STAP1: variants seen among roughly 807,000 people sequenced by gnomAD.
The protein encoded by STAP1 is signal transducing adaptor family member 1.
A neutral mutation model predicts 37.8 loss-of-function variants in STAP1; 30 were observed. The observed-to-expected ratio is 0.79, with a 90% CI of 0.59 to 1.08. The LOEUF (loss-of-function observed/expected upper bound fraction) is 1.08, where lower values mean the gene tolerates loss of function less well. Among genes scored for constraint, STAP1 ranks in the 50% least tolerant of loss-of-function variants. The pLI is 0.00. For synonymous variants in STAP1, 130 were observed against 116.0 expected (o/e 1.12, Z -0.78); for missense variants, 357 against 349.4 (o/e 1.02, Z -0.17).
chr4:67,577,651 C>CTTTCTTTTTTTTTTTT (rs144082927), intron 4 of STAP1, among the ~76,000 whole-genome samples: 1 of 91,546 alleles, frequency 1.1e-5, no homozygotes. Context: ...TTCTTTCTTT[C>CTTTCTTTTTTTTTTTT]TTTTTTTTTT....
intron 1 of STAP1, among the ~76,000 whole-genome samples, chr4:67,565,057 A>G (rs1458896510): frequency 2.6e-5 from 4 of 152,330 alleles, no homozygotes; most frequent in Admixed American, 6.5e-5. Flanking sequence ...TACTCCTTTC[A>G]TTGCAGAGGC....
In STAP1 at chr4:67,583,563, C is replaced by T. The variant is rs777172255; in HGVS notation, c.531-11C>T. 6.3e-7 allele frequency: 1 copy of T among 1,584,936 alleles called. No homozygotes were observed. The highest frequency in any genetic ancestry group is 1.9e-5 in the Admixed American group (1 of 52,518). ...AAAAAACAATTCTGTTTTTTTATCT[C>T]ACCTCTGTAGATGTTTTTATACAGT... On this transcript the variant is annotated splice_polypyrimidine_tract_variant and intron_variant, in intron 5 of 8. Coordinates refer to ENST00000265404, the MANE Select transcript of STAP1 (RefSeq NM_012108.4).
chr4:67,605,501 T>A (rs1313944805), intron 8 of STAP1, among the ~76,000 whole-genome samples: 3 of 151,664 alleles, frequency 2.0e-5, no homozygotes, highest in Non-Finnish European at 4.4e-5. Context: ...CTACTCAGCC[T>A]CCCCCTGCAT....
chr4:67,561,599 TC>T (rs1727338637), intron 1 of STAP1, among the ~76,000 whole-genome samples: 1 of 152,120 alleles, frequency 6.6e-6, no homozygotes, highest in African/African-American at 2.4e-5. Flanking sequence ...AAACACATAA[TC>T]TTTATGGAAA....
At chr4:67,600,789 A>G (rs1728322463) in intron 8 of STAP1, among the ~76,000 whole-genome samples, 2 of 152,120 alleles carry the variant, frequency 1.3e-5, no homozygotes, top group South Asian at 4.1e-4. Flanking sequence ...TTTGTCTGAT[A>G]TAACTACTCC....
chr4:67,570,901 G>A (rs184347117), intron 1 of STAP1, among the ~76,000 whole-genome samples, 183 bp from the exon 2 acceptor site: 1 of 152,022 alleles, frequency 6.6e-6, no homozygotes, highest in East Asian at 1.9e-4. Context: ...TGAGACCAGA[G>A]AACCTATCTC....
At chr4:67,592,880 C>G (rs996366367) in intron 7 of STAP1, among the ~76,000 whole-genome samples, 1 of 152,088 alleles carries the variant, frequency 6.6e-6, no homozygotes, top group Non-Finnish European at 1.5e-5. Flanking sequence ...GACAGGATCT[C>G]GCTATGTTGC....
At chr4:67,600,623 C>A (rs959340953) in intron 8 of STAP1, among the ~76,000 whole-genome samples, 4 of 152,030 alleles carry the variant, frequency 2.6e-5, no homozygotes, top group Non-Finnish European at 5.9e-5. Context: ...GTCTATCTCT[C>A]CCTTTAGCTA....
At chr4:67,602,318 C>CAT (rs34355486) in intron 8 of STAP1, among the ~76,000 whole-genome samples, 126,263 of 151,758 alleles carry the variant, frequency 0.83, 53,798 homozygotes, top group South Asian at 0.94. Flanking sequence ...AAAGTTAACA[C>CAT]GTTTGTCACT....
In STAP1 at chr4:67,583,476, C is replaced by G. The variant is rs548273806; in HGVS notation, c.531-98C>G. 1.9e-5 allele frequency: 25 copies of G among 1,284,222 alleles called. No individual in the cohort carries two copies. In the South Asian group the frequency reaches 3.8e-4, roughly 20 times the overall value. 79.6% of individuals were successfully genotyped at this position (1,284,222 alleles called of 1,614,324 possible). A position where few individuals can be genotyped will look rare whatever the true frequency, so the allele number is the denominator to read the frequency against. ...AACCGGAAGTTTTAAGAAAAGTTAG[C>G]AACTGCAGCTCTCAAAGTTATTTTG... On this transcript the variant is annotated intron_variant, in intron 5 of 8. Coordinates refer to ENST00000265404, the MANE Select transcript of STAP1 (RefSeq NM_012108.4).
At chr4:67,597,233 C>A (rs1364526026) in intron 8 of STAP1, among the ~76,000 whole-genome samples, 2 of 152,188 alleles carry the variant, frequency 1.3e-5, no homozygotes, top group African/African-American at 4.8e-5. Flanking sequence ...AAGGTAGAAG[C>A]CCCAAGCCTT....
chr4:67,603,981 A>G (rs1728398492), intron 8 of STAP1, among the ~76,000 whole-genome samples: 1 of 152,076 alleles, frequency 6.6e-6, no homozygotes, highest in Admixed American at 6.6e-5. Context: ...CTGCCTTTCA[A>G]ATTTATTTCG....
chr4:67,577,247 T>TA lies in STAP1; in HGVS notation c.352dup (p.Thr118AsnfsTer20), dbSNP rs763321433. On this transcript the variant is annotated frameshift_variant, in exon 4 of 9. Coordinates refer to ENST00000265404, the MANE Select transcript of STAP1 (RefSeq NM_012108.4). LOFTEE classifies it high-confidence loss of function. ...GGGAAGAATGGAGAGGCTTCATTCT[T>TA]ACAGTAACAGAGGTAGGAAGCTCAC... 1.9e-6 allele frequency: 3 copies of TA among 1,609,140 alleles called. No homozygotes were observed. Among genetic ancestry groups the TA allele is most frequent in the Non-Finnish European group, 1.7e-6 (2 of 1,177,980 alleles).
At chr4:67,570,245 A>C (rs951878380) in intron 1 of STAP1, among the ~76,000 whole-genome samples, 7 of 152,218 alleles carry the variant, frequency 4.6e-5, no homozygotes, top group Non-Finnish European at 8.8e-5. Flanking sequence ...ATTAATCATT[A>C]ACAAGTATTA....
rs1728467223 is a variant in STAP1 at position 67,607,109 on chromosome 4, A to G, written c.*752A>G. 1 of 152,220 alleles carries G rather than the reference A, an allele frequency of 6.6e-6. No individual in the cohort carries two copies. The highest frequency in any genetic ancestry group is 2.1e-4 in the South Asian group (1 of 4,830). The allele number at this position is 152,220 out of a possible 1,614,324, so 9.4% of individuals were successfully genotyped here. ...TTTCATAATTTTTTTCTTCAAAAGC[A>G]AACTTCTAAATTGATTTTGATGGTT... is the stretch of plus-strand genomic sequence containing the variant. On this transcript the variant is annotated 3_prime_UTR_variant, in exon 9 of 9. Transcript: ENST00000265404.
intron 1 of STAP1, among the ~76,000 whole-genome samples, chr4:67,563,415 G>T (rs559504022): frequency 1.3e-5 from 2 of 152,180 alleles, no homozygotes; most frequent in Admixed American, 6.5e-5. Context: ...CTTCACAAAT[G>T]AGTGAGTAGG....
intron 5 of STAP1, 107 bp downstream of exon 5, chr4:67,581,578 G>T (rs1222444532): frequency 4.8e-6 from 6 of 1,242,440 alleles, no homozygotes; most frequent in Admixed American, 2.2e-5. Flanking sequence ...ACAATAAGCA[G>T]TCTTGGGGAT....
At position 67,583,747 on chromosome 4, in the gene STAP1, T is replaced by C. The variant is rs748130072; in HGVS notation, c.659+45T>C. On this transcript the variant is annotated intron_variant, in intron 6 of 8. Transcript: ENST00000265404. Reference sequence around the variant, plus strand: ...ATGTATGGAATTTTTAAAAGCGTGGTATCACTAAATACAAGTCCAGATCAG... The same window carrying C: ...ATGTATGGAATTTTTAAAAGCGTGGCATCACTAAATACAAGTCCAGATCAG... 25 of 1,589,282 alleles carry C rather than the reference T, an allele frequency of 1.6e-5. 1 individual carries two copies. In the South Asian group the frequency reaches 1.6e-4, roughly 10 times the overall value.
At chr4:67,569,915 G>A (rs1727562300) in intron 1 of STAP1, among the ~76,000 whole-genome samples, 1 of 152,170 alleles carries the variant, frequency 6.6e-6, no homozygotes, top group African/African-American at 2.4e-5. Flanking sequence ...TTTTTAGGTA[G>A]AGATGGGGTT....
Sources: allele counts gnomAD v4.1 joint callset (sites outside exome capture counted in the v4.1 genomes callset), GRCh38; gene constraint gnomAD v4.1.1; transcripts MANE v1.5; gene names NCBI Gene and HGNC (gene_info 2026-07-23, HGNC 2026-07-21).